GOLM2: variants seen among roughly 807,000 people sequenced by gnomAD.
GOLM2 encodes protein GOLM2.
GOLM2 carries 26 observed loss-of-function variants against 55.9 expected under a neutral mutation model. The observed-to-expected ratio is 0.47, with a 90% CI of 0.34 to 0.65. GOLM2 has a LOEUF of 0.65. GOLM2 is among the 30% of genes least tolerant of loss of function. The pLI is 0.01. For synonymous variants in GOLM2, 165 were observed against 194.6 expected (o/e 0.85, Z 1.27); for missense variants, 486 against 531.8 (o/e 0.91, Z 0.85).
intron 2 of GOLM2, 48 bp downstream of exon 2, chr15:44,323,067 C>A: frequency 2.4e-6 from 3 of 1,245,722 alleles, no homozygotes; most frequent in African/African-American, 1.6e-5. Flanking sequence ...TCACTAAATG[C>A]CTAAAATTGT....
chr15:44,370,416 A>G (rs1366738933), intron 6 of GOLM2, among the ~76,000 whole-genome samples: 2 of 152,144 alleles, frequency 1.3e-5, no homozygotes, highest in Non-Finnish European at 2.9e-5. Flanking sequence ...ATAAGTAATT[A>G]GTCTAGTGTG....
chr15:44,400,514 T>A (rs1016951910), intron 8 of GOLM2, among the ~76,000 whole-genome samples: 2 of 150,272 alleles, frequency 1.3e-5, no homozygotes, highest in African/African-American at 4.9e-5. Context: ...ACAGGGTTTC[T>A]CCATGTTGGT....
At chr15:44,319,289 T>C (rs1353314371) in intron 1 of GOLM2, among the ~76,000 whole-genome samples, 1 of 152,134 alleles carries the variant, frequency 6.6e-6, no homozygotes, top group East Asian at 1.9e-4. Context: ...TTATGGCTCA[T>C]TGCACTCCTG....
Position 44,380,857 on chromosome 15 carries a change from C to T in GOLM2, c.953C>T (p.Ser318Phe). Residue 318 changes from serine (S) to phenylalanine (F), a missense_variant, in exon 8 of 10, where the codon TCC becomes TTC. By Grantham distance (155) the Ser-to-Phe change is radical (BLOSUM62 -2). Transcript: ENST00000299957. Reference sequence around the variant, plus strand: ...CCCGGTACTTCAAAACAGAATCCTTCCAGTCCTCTTCAGCGTTTAATTCCA... The same window carrying T: ...CCCGGTACTTCAAAACAGAATCCTTTCAGTCCTCTTCAGCGTTTAATTCCA... ...GNPGTSKQNP[S>F]SPLQRLIPGS... 1.9e-6 allele frequency: 3 copies of T among 1,596,982 alleles called. No homozygotes were observed. Among genetic ancestry groups the T allele is most frequent in the Non-Finnish European group, 2.6e-6 (3 of 1,171,144 alleles).
intron 1 of GOLM2, among the ~76,000 whole-genome samples, chr15:44,306,858 A>T (rs1027095952): frequency 1.3e-5 from 2 of 152,096 alleles, no homozygotes; most frequent in African/African-American, 4.8e-5. Context: ...TGTTTCTATA[A>T]AGTTGTTTAT....
chr15:44,402,000 C>A (rs1325593357), intron 8 of GOLM2, among the ~76,000 whole-genome samples: 1 of 151,418 alleles, frequency 6.6e-6, no homozygotes, highest in Non-Finnish European at 1.5e-5. Context: ...TGGCTAATTT[C>A]TGTATTTTTA....
rs1015551059 is a variant in GOLM2, at chr15:44,375,236, G to T, written c.803-4454G>T. 3.3e-5 allele frequency among the ~76,000 whole-genome samples: 5 copies of T among 152,034 alleles called. No homozygotes were observed. In the South Asian group the frequency reaches 6.2e-4, roughly 19 times the overall value. The stretch of plus-strand genomic sequence containing the variant: ...GGGTTTCGCCATGTTGGCCAGGCTG[G>T]TTTCAAACTCCTGACCTCGTGATCC... On this transcript the variant is annotated intron_variant, in intron 6 of 9. Transcript: ENST00000299957.
At chr15:44,336,299 A>G (rs1440725659) in intron 4 of GOLM2, among the ~76,000 whole-genome samples, 2 of 151,348 alleles carry the variant, frequency 1.3e-5, no homozygotes, top group Non-Finnish European at 2.9e-5. Context: ...TGTATTTTTT[A>G]GTAGAGTCGG....
chr15:44,397,001 C>T lies in GOLM2; in HGVS notation c.1073-5886C>T, dbSNP rs1459231714. 2.0e-5 allele frequency among the ~76,000 whole-genome samples: 3 copies of T among 152,088 alleles called. No individual in the cohort carries two copies. The East Asian group carries it at 5.8e-4, about 29-fold the overall frequency. On this transcript the variant is annotated intron_variant, in intron 8 of 9. Transcript: ENST00000299957. ...TGGCCACCAGAGTGAAAATAATATT[C>T]AAGCGCACAATTGAATTTTGCAACA...
chr15:44,368,474 G>A (rs1287678164), intron 6 of GOLM2, among the ~76,000 whole-genome samples: 4 of 151,696 alleles, frequency 2.6e-5, no homozygotes, highest in South Asian at 2.1e-4. Flanking sequence ...TTAGATTTTT[G>A]TAATACCTTT....
At chr15:44,326,299 G>A (rs988929865) in intron 2 of GOLM2, among the ~76,000 whole-genome samples, 4 of 149,624 alleles carry the variant, frequency 2.7e-5, no homozygotes, top group African/African-American at 9.8e-5. Context: ...TTTAAAATGT[G>A]GCTTGAATAT....
intron 6 of GOLM2, chr15:44,348,940 G>T (rs533100818): frequency 6.6e-6 from 1 of 152,178 alleles, no homozygotes. Context: ...ACAATCTGTT[G>T]CCTACAAGAA....
chr15:44,371,262 A>G (rs775903146), intron 6 of GOLM2, among the ~76,000 whole-genome samples: 8 of 152,176 alleles, frequency 5.3e-5, no homozygotes, highest in Non-Finnish European at 1.0e-4. Flanking sequence ...TGATGGTTGT[A>G]CAGTGCTTAC....
At chr15:44,387,183 GAAAAAAAAAAA>G (rs766969483) in intron 8 of GOLM2, 15 of 88,822 alleles carry the variant, frequency 1.7e-4, no homozygotes, top group Non-Finnish European at 2.4e-4. Flanking sequence ...ACCTTGTCTG[GAAAAAAAAAAA>G]AAAAAAAAAA....
intron 8 of GOLM2, among the ~76,000 whole-genome samples, chr15:44,394,273 G>A (rs2079510207): frequency 1.3e-5 from 2 of 152,212 alleles, no homozygotes; most frequent in South Asian, 4.1e-4. Context: ...AATGTACAGG[G>A]TTTGAGCAAC....
chr15:44,364,630 G>A (rs1480699099), intron 6 of GOLM2, among the ~76,000 whole-genome samples: 1 of 151,942 alleles, frequency 6.6e-6, no homozygotes, highest in Non-Finnish European at 1.5e-5. Flanking sequence ...AGAAAGCAGA[G>A]ATTGCAGTGA....
At chr15:44,409,359 G>A (rs2079619914) in intron 9 of GOLM2, among the ~76,000 whole-genome samples, 1 of 150,706 alleles carries the variant, frequency 6.6e-6, no homozygotes, top group Non-Finnish European at 1.5e-5. Flanking sequence ...GGCCGAGGCG[G>A]GTGGATCGCC....
intron 8 of GOLM2, among the ~76,000 whole-genome samples, chr15:44,388,842 G>C (rs1264980612): frequency 6.6e-6 from 1 of 151,634 alleles, no homozygotes; most frequent in Non-Finnish European, 1.5e-5. Flanking sequence ...TTTAGACGGA[G>C]TCTCGGTCTG....
intron 1 of GOLM2, among the ~76,000 whole-genome samples, chr15:44,297,397 A>G (rs1284309719): frequency 6.6e-6 from 1 of 152,048 alleles, no homozygotes. Flanking sequence ...GTCTCCCACT[A>G]TCTCCTGACC....
Sources: gnomAD v4.1 joint callset for allele counts (sites outside exome capture counted in the v4.1 genomes callset) on GRCh38, gnomAD v4.1.1 for gene constraint, MANE v1.5 for transcripts, NCBI Gene and HGNC (gene_info 2026-07-23, HGNC 2026-07-21) for gene names.